NECTIN4: variants seen among roughly 807,000 people sequenced by gnomAD.
The protein encoded by NECTIN4 is nectin cell adhesion molecule 4, also known as nectin-4.
In NECTIN4, 19 loss-of-function variants were observed where a neutral mutation model predicts 51.7. The observed-to-expected ratio is 0.37, with a 90% CI of 0.26 to 0.54. NECTIN4 has a LOEUF of 0.54. Among genes scored for constraint, NECTIN4 ranks in the 20% least tolerant of loss-of-function variants. The pLI is 0.86. For synonymous variants in NECTIN4, 283 were observed against 286.9 expected, an observed-to-expected ratio of 0.99 and a Z score of 0.14; for missense variants, 619 against 662.4, an observed-to-expected ratio of 0.93 and a Z score of 0.72.
In NECTIN4 at chr1:161,079,909, T is replaced by C. The variant is rs1385691431; in HGVS notation, c.120A>G (p.Val40=). ...TTGCGTCCTGGCCCAGCACCACAGT[T>C]ACCACGTCTGAGGTCTCCAGCTCAC... is the stretch of plus-strand genomic sequence containing the variant. ...PAGELETSDV[V]TVVLGQDAKL... is the part of the protein sequence containing the mutation. The change falls in exon 2 of 9, where the codon GTA becomes GTG. Residue 40 remains valine (V), a synonymous_variant. Transcript: ENST00000368012. 19 of 1,612,408 alleles carry C rather than the reference T, an allele frequency of 1.2e-5. No homozygotes were observed. Among genetic ancestry groups the C allele is most frequent in the African/African-American group, 8.0e-5 (6 of 74,912 alleles).
intron 3 of NECTIN4, among the ~76,000 whole-genome samples, chr1:161,076,826 T>G (rs1276830981): frequency 1.3e-5 from 2 of 152,218 alleles, no homozygotes; most frequent in Non-Finnish European, 2.9e-5. Flanking sequence ...TTTTCAAAGG[T>G]GTAACAATCC....
chr1:161,076,831 C>A (rs567340241), intron 3 of NECTIN4, among the ~76,000 whole-genome samples: 1 of 152,338 alleles, frequency 6.6e-6, no homozygotes, highest in South Asian at 2.1e-4. Context: ...AAAGGTGTAA[C>A]AATCCTACTA....
At chr1:161,085,351 C>T (rs867988693) in intron 1 of NECTIN4, among the ~76,000 whole-genome samples, 5 of 152,126 alleles carry the variant, frequency 3.3e-5, no homozygotes, top group Admixed American at 6.5e-5. Flanking sequence ...CTAAACCCCC[C>T]GGAGCCAGAG....
intron 1 of NECTIN4, among the ~76,000 whole-genome samples, chr1:161,085,795 A>G (rs2101678888): frequency 6.8e-6 from 1 of 147,452 alleles, no homozygotes; most frequent in Admixed American, 6.9e-5. Context: ...GTCTCCTTGG[A>G]TTCAGGCAAT....
chr1:161,075,404 T>C (rs1653369612), intron 4 of NECTIN4, among the ~76,000 whole-genome samples: 1 of 152,270 alleles, frequency 6.6e-6, no homozygotes, highest in South Asian at 2.1e-4. Flanking sequence ...CACAGCTGTC[T>C]TGTCCATTTT....
chr1:161,074,029 G>A (rs1461274735), intron 6 of NECTIN4, among the ~76,000 whole-genome samples, 188 bp downstream of exon 6: 2 of 152,168 alleles, frequency 1.3e-5, no homozygotes, highest in Non-Finnish European at 2.9e-5. Flanking sequence ...TAAGGTGGAA[G>A]GATTGAGTGC....
rs749387977 is a variant in NECTIN4 at position 161,077,642 on chromosome 1, C to T, written c.541G>A (p.Val181Met). The T allele has an allele frequency of 5.0e-6, 8 of 1,613,546 alleles. No homozygotes were observed. Among genetic ancestry groups the T allele is most frequent in the African/African-American group, 4.0e-5 (3 of 74,916 alleles). The change falls in exon 3 of 9, where the codon GTG becomes ATG. Residue 181 changes from valine to methionine, a missense_variant. By Grantham distance (21) the Val-to-Met change is conservative. Around this residue, in one of 3 missense-constraint regions of NECTIN4, gnomAD observed 37 missense variants for 60.3 expected, o/e 0.61. Transcript: ENST00000368012. ...CTAEGSPAPS[V>M]TWDTEVKGTT... is the part of the protein sequence containing the mutation. ...CCTTTGACCTCCGTGTCCCAGGTCACGCTGGGGGCTGGGCTGCCCTCAGCT... is the reference window on the plus strand; with the variant it reads ...CCTTTGACCTCCGTGTCCCAGGTCATGCTGGGGGCTGGGCTGCCCTCAGCT...
chr1:161,082,042 G>A (rs1174747086), intron 1 of NECTIN4, among the ~76,000 whole-genome samples: 1 of 152,096 alleles, frequency 6.6e-6, no homozygotes, highest in Non-Finnish European at 1.5e-5. Context: ...AGAATGAGGA[G>A]GAACAGGCTG....
intron 1 of NECTIN4, among the ~76,000 whole-genome samples, chr1:161,082,160 C>G (rs1240957297): frequency 2.6e-5 from 4 of 152,014 alleles, no homozygotes; most frequent in African/African-American, 4.8e-5. Context: ...GAAACCCTGT[C>G]TCTACTAAAA....
Position 161,072,662 on chromosome 1 carries a change from C to A in NECTIN4, c.1532G>T (p.Ter511LeuextTer8). Residue 511 changes from the stop codon to leucine, a stop_lost, in exon 9 of 9, where the codon TGA (stop) becomes TTA (leucine). Coordinates refer to ENST00000368012, the MANE Select transcript of NECTIN4 (RefSeq NM_030916.3). ...CTAGGGAAGGGAGGCAGGCCTGGGT[C>A]AGACCAGGTGTCCCCGCCCATTGAT... ...IYINGRGHLV[*>L] 1 of 1,613,954 alleles carries A rather than the reference C, an allele frequency of 6.2e-7. No individual in the cohort carries two copies. Among genetic ancestry groups the A allele is most frequent in the South Asian group, 1.1e-5 (1 of 91,074 alleles).
chr1:161,074,393 G>A lies in NECTIN4; in HGVS notation c.1001-20C>T. On this transcript the variant is annotated intron_variant, in intron 5 of 8. Transcript: ENST00000368012. ...GGGGGTCTGCTGGAGACAGGCCACT[G>A]TCTGAGGTGGAAGCCTGCAGCCACA... 1 of 1,613,836 alleles carries A rather than the reference G, an allele frequency of 6.2e-7. No homozygotes were observed. Among genetic ancestry groups the A allele is most frequent in the Non-Finnish European group, 8.5e-7 (1 of 1,179,978 alleles).
Position 161,079,724 on chromosome 1 carries a change from G to A in NECTIN4, c.305C>T (p.Pro102Leu), listed in dbSNP as rs771828043. The A allele has an allele frequency of 3.7e-6, 6 of 1,609,302 alleles. No homozygotes were observed. The Admixed American group carries it at 6.7e-5, about 18-fold the overall frequency. Residue 102 changes from proline (P) to leucine (L), a missense_variant, in exon 2 of 9, where the codon CCG (proline) becomes CTG (leucine). Coordinates refer to ENST00000368012, the MANE Select transcript of NECTIN4 (RefSeq NM_030916.3). The part of the protein sequence containing the change: ...PAYEGRVEQP[P>L]PPRNPLDGSV... ...GCCGTCCAGGGGGTTGCGTGGGGGC[G>A]GCGGCTGCTCCACGCGGCCCTCGTA...
chr1:161,084,832 G>A (rs1181758497), intron 1 of NECTIN4: 2 of 152,014 alleles, frequency 1.3e-5, no homozygotes, highest in African/African-American at 2.4e-5. Flanking sequence ...GTCTGGTGTG[G>A]GTTTGGGGGG....
rs1419662453 is a variant in NECTIN4 at position 161,076,336 on chromosome 1, C to T, written c.851+19G>A. On this transcript the variant is annotated intron_variant, in intron 4 of 8. Transcript: ENST00000368012. Reference sequence around the variant, plus strand: ...GAACCTAGTCTCAAGTTAGGCCTTCCTCAGGCTCGGGCCCTTACCGTGTCC... The same window carrying T: ...GAACCTAGTCTCAAGTTAGGCCTTCTTCAGGCTCGGGCCCTTACCGTGTCC... The T allele has an allele frequency of 6.2e-7, 1 of 1,613,986 alleles. No individual in the cohort carries two copies.
At chr1:161,077,292 G>A (rs146688311) in intron 3 of NECTIN4, among the ~76,000 whole-genome samples, 161 bp downstream of exon 3, 7 of 152,014 alleles carry the variant, frequency 4.6e-5, no homozygotes, top group East Asian at 1.9e-4. Flanking sequence ...CTCTGGGATC[G>A]GGCTCCAGGT....
At chr1:161,082,203 C>T (rs1192613668) in intron 1 of NECTIN4, among the ~76,000 whole-genome samples, 4 of 152,138 alleles carry the variant, frequency 2.6e-5, no homozygotes, top group African/African-American at 4.8e-5. Flanking sequence ...GTGGCGGGCG[C>T]CTGTAGTCCC....
chr1:161,076,467 C>T lies in NECTIN4; in HGVS notation c.739G>A (p.Glu247Lys), dbSNP rs1160663523. The T allele has an allele frequency of 1.2e-6, 2 of 1,613,986 alleles. No individual in the cohort carries two copies. Among genetic ancestry groups the T allele is most frequent in the African/African-American group, 2.7e-5 (2 of 74,928 alleles). The stretch of plus-strand genomic sequence containing the variant: ...TCTTCAAGGCCCCTCACAGAGGCCT[C>T]AGCAAGGACTGGAATGGGAAGTGGG... The part of the protein sequence containing the change: ...THILHVSFLA[E>K]ASVRGLEDQN... Residue 247 changes from glutamate to lysine, a missense_variant, in exon 4 of 9, where the codon GAG (glutamate) becomes AAG (lysine). By Grantham distance (56) the Glu-to-Lys change is moderately conservative (BLOSUM62 1). Around this residue, in one of 3 missense-constraint regions of NECTIN4, gnomAD observed 364 missense variants for 415.7 expected, o/e 0.88. Coordinates refer to ENST00000368012, the MANE Select transcript of NECTIN4 (RefSeq NM_030916.3).
At chr1:161,073,691 G>A (rs552123854) in intron 7 of NECTIN4, 29 bp downstream of exon 7, 3 of 1,591,612 alleles carry the variant, frequency 1.9e-6, no homozygotes, top group South Asian at 1.1e-5. Flanking sequence ...CCACACCCCT[G>A]CATGCATACA....
At position 161,071,558 on chromosome 1, in the gene NECTIN4, C is replaced by T. The variant is rs1456900409; in HGVS notation, c.*1103G>A. 1 of 152,188 alleles carries T rather than the reference C, an allele frequency of 6.6e-6. No individual in the cohort carries two copies. Among genetic ancestry groups the T allele is most frequent in the Admixed American group, 6.5e-5 (1 of 15,276 alleles). 9.4% of individuals were successfully genotyped at this position (152,188 alleles called of 1,614,324 possible). On this transcript the variant is annotated 3_prime_UTR_variant, in exon 9 of 9. Transcript: ENST00000368012. ...ACTCTACCAGCTCTCAGGTGCCCTC[C>T]CAAGGGGCTGCCTGCATGAAGATGC...
Sources: allele counts gnomAD v4.1 joint callset (sites outside exome capture counted in the v4.1 genomes callset), GRCh38; gene constraint gnomAD v4.1.1; regional missense constraint gnomAD v4.1.1; transcripts MANE v1.5; gene names NCBI Gene and HGNC (gene_info 2026-07-23, HGNC 2026-07-21).